Variants in GMDS observed in about 807,000 individuals in gnomAD.
GMDS encodes the protein GDP-mannose 4,6-dehydratase.
Under a neutral mutation model 49.9 loss-of-function variants are expected in GMDS, and 20 were observed. The ratio of observed to expected loss-of-function variants is 0.40; its 90% CI spans 0.28 to 0.58. The LOEUF (loss-of-function observed/expected upper bound fraction) is 0.58, where lower values mean the gene tolerates loss of function less well. Ranked by LOEUF, GMDS falls within the 20% of genes least tolerant of loss-of-function variation. The pLI is 0.42. For missense variants in GMDS, 362 were observed against 481.4 expected (o/e 0.75, Z 2.32); for synonymous variants, 177 against 178.6 (o/e 0.99, Z 0.07).
At chr6:1,709,177 G>T (rs1765853435) in intron 9 of GMDS, among the ~76,000 whole-genome samples, 1 of 152,204 alleles carries the variant, frequency 6.6e-6, no homozygotes, top group African/African-American at 2.4e-5. Context: ...CTGAGAAAAG[G>T]CAGGAGACAG....
At chr6:1,749,619 G>T (rs926156489) in intron 7 of GMDS, among the ~76,000 whole-genome samples, 2 of 151,734 alleles carry the variant, frequency 1.3e-5, no homozygotes, top group African/African-American at 4.8e-5. Flanking sequence ...ATAAAAAAAA[G>T]AAATTGTCTT....
intron 4 of GMDS, among the ~76,000 whole-genome samples, chr6:2,056,851 C>G (rs886868358): frequency 3.3e-5 from 5 of 152,112 alleles, no homozygotes; most frequent in Non-Finnish European, 5.9e-5. Context: ...TCACTTTACA[C>G]CAACCAAAAG....
intron 4 of GMDS, among the ~76,000 whole-genome samples, chr6:2,083,219 G>A (rs753257894): frequency 3.0e-4 from 46 of 152,060 alleles, no homozygotes; most frequent in Non-Finnish European, 5.3e-4. Flanking sequence ...GCACGATGTC[G>A]AGCACTTAGT....
At chr6:1,715,555 C>T (rs1256658534) in intron 9 of GMDS, among the ~76,000 whole-genome samples, 3 of 152,224 alleles carry the variant, frequency 2.0e-5, no homozygotes, top group African/African-American at 7.2e-5. Flanking sequence ...CAGGTGCAGG[C>T]TGCACCAAGG....
intron 4 of GMDS, among the ~76,000 whole-genome samples, chr6:2,056,015 A>G (rs1474282322): frequency 6.6e-6 from 1 of 152,192 alleles, no homozygotes; most frequent in African/African-American, 2.4e-5. Context: ...GCATGTCATA[A>G]ATGAATGTAA....
intron 7 of GMDS, among the ~76,000 whole-genome samples, chr6:1,821,251 T>G (rs1581221085): frequency 6.6e-6 from 1 of 152,076 alleles, no homozygotes; most frequent in African/African-American, 2.4e-5. Flanking sequence ...CGGAAGTGAG[T>G]GGGTCTCCCG....
chr6:1,981,087 C>G (rs1267013733), intron 4 of GMDS, among the ~76,000 whole-genome samples: 1 of 151,930 alleles, frequency 6.6e-6, no homozygotes, highest in East Asian at 1.9e-4. Context: ...CATCAAAAAG[C>G]TAGAAAGATC....
At chr6:1,889,118 G>T (rs1487128020) in intron 7 of GMDS, among the ~76,000 whole-genome samples, 1 of 152,170 alleles carries the variant, frequency 6.6e-6, no homozygotes, top group Non-Finnish European at 1.5e-5. Context: ...CATGGATGCG[G>T]AACGTGTAAA....
At chr6:1,637,282 C>T (rs1763187243) in intron 9 of GMDS, among the ~76,000 whole-genome samples, 1 of 152,246 alleles carries the variant, frequency 6.6e-6, no homozygotes, top group Middle Eastern at 3.2e-3. Flanking sequence ...AGGCATCTCT[C>T]CAGGCCCAGG....
chr6:1,950,337 G>A (rs990599383), intron 6 of GMDS, among the ~76,000 whole-genome samples: 2 of 152,138 alleles, frequency 1.3e-5, no homozygotes, highest in Non-Finnish European at 2.9e-5. Flanking sequence ...GCCAGATCAT[G>A]GACTCTACAA....
At chr6:1,856,171 G>A (rs1041939792) in intron 7 of GMDS, among the ~76,000 whole-genome samples, 1 of 152,140 alleles carries the variant, frequency 6.6e-6, no homozygotes. Flanking sequence ...CAAACTTGTC[G>A]GTAGTGATGG....
chr6:2,115,224 G>A (rs763635711), intron 4 of GMDS, among the ~76,000 whole-genome samples: 3 of 152,160 alleles, frequency 2.0e-5, no homozygotes, highest in Admixed American at 2.0e-4. Flanking sequence ...TCCAGAATGC[G>A]AATAGAGGGG....
chr6:2,130,470 C>A (rs1316721813), intron 1 of GMDS, among the ~76,000 whole-genome samples: 1 of 152,214 alleles, frequency 6.6e-6, no homozygotes, highest in East Asian at 1.9e-4. Flanking sequence ...TACATAGCCA[C>A]CCCTTCCCTC....
rs190839622 is a variant in GMDS, at chr6:2,047,010, A to C, written c.345+68761T>G. On this transcript the variant is annotated intron_variant, in intron 4 of 10. Transcript: ENST00000380815. ...CTCATGTATACTCATGAATTTGTGC[A>C]GCACAGAAGCAGATTCATACACACA... is the stretch of plus-strand genomic sequence containing the variant. Among the ~76,000 whole-genome samples the C allele has an allele frequency of 5.9e-5, 9 of 152,336 alleles. No homozygotes were observed. In the East Asian group the frequency reaches 1.7e-3, roughly 29 times the overall value.
At chr6:2,075,395 A>G (rs1187929324) in intron 4 of GMDS, among the ~76,000 whole-genome samples, 2 of 152,126 alleles carry the variant, frequency 1.3e-5, no homozygotes, top group Non-Finnish European at 2.9e-5. Flanking sequence ...AACATTAGGC[A>G]TACCTCCTAA....
At position 1,834,602 on chromosome 6, in the gene GMDS, C is replaced by T. The variant is rs111760437; in HGVS notation, c.772-92016G>A. On this transcript the variant is annotated intron_variant, in intron 7 of 10. Transcript: ENST00000380815. ...TTTTAACATACTTCTAAGTTAAATG[C>T]AAGATTACTCTGTTCTTAAAGAGAA... Among the ~76,000 whole-genome samples, 495 of 152,202 alleles carry T rather than the reference C, an allele frequency of 3.3e-3. 1 individual carries two copies. The highest frequency in any genetic ancestry group is 5.3e-3 in the Non-Finnish European group (358 of 67,994).
At chr6:1,839,700 C>A (rs1270491984) in intron 7 of GMDS, among the ~76,000 whole-genome samples, 1 of 152,208 alleles carries the variant, frequency 6.6e-6, no homozygotes, top group East Asian at 1.9e-4. Flanking sequence ...GAAATAAAAT[C>A]ATGGGCTTCA....
chr6:1,660,728 T>A (rs1764040098), intron 9 of GMDS, among the ~76,000 whole-genome samples: 1 of 145,162 alleles, frequency 6.9e-6, no homozygotes, highest in Admixed American at 7.4e-5. Flanking sequence ...ATTATTAGTA[T>A]CTAGTATCTG....
chr6:2,024,952 T>C (rs906700400), intron 4 of GMDS, among the ~76,000 whole-genome samples: 29 of 152,044 alleles, frequency 1.9e-4, no homozygotes, highest in African/African-American at 7.0e-4. Context: ...ATTAATCCTT[T>C]CTTCTTTTAA....
Sources: allele counts gnomAD v4.1 joint callset (sites outside exome capture counted in the v4.1 genomes callset), GRCh38; gene constraint gnomAD v4.1.1; transcripts MANE v1.5; gene names NCBI Gene and HGNC (gene_info 2026-07-23, HGNC 2026-07-21).